MSR1: variants seen among roughly 807,000 people sequenced by gnomAD.
The protein encoded by MSR1 is macrophage scavenger receptor 1, also known as macrophage scavenger receptor types I and II.
A neutral mutation model predicts 47.2 loss-of-function variants in MSR1; 53 were observed. That is an observed-to-expected ratio of 1.12 (90% CI 0.90 to 1.41). MSR1 has a LOEUF of 1.41. Among genes scored for constraint, MSR1 ranks in the 40% most tolerant of loss-of-function variants. The probability of loss-of-function intolerance (pLI) is 0.00; values close to 1 mark genes in which losing one functional copy is unlikely to be tolerated. For missense variants in MSR1, 786 were observed against 546.9 expected, an observed-to-expected ratio of 1.44 and a Z score of -4.36; for synonymous variants, 239 against 185.6, an observed-to-expected ratio of 1.29 and a Z score of -2.34.
chr8:16,163,605 A>C lies in MSR1; in HGVS notation c.817+460T>G, dbSNP rs565953260. On this transcript the variant is annotated intron_variant, in intron 5 of 9. Coordinates refer to ENST00000262101, the MANE Select transcript of MSR1 (RefSeq NM_138715.3). ...ATATAAGTAAGATCCAATTCACCTT[A>C]TTTCACTAACAGGCACTGCAGAAGA... Among the ~76,000 whole-genome samples, 6 of 151,688 alleles carry C rather than the reference A, an allele frequency of 4.0e-5. No individual in the cohort carries two copies. The South Asian group carries it at 1.2e-3, about 31-fold the overall frequency.
At chr8:16,113,150 A>G (rs535656578) in intron 9 of MSR1, among the ~76,000 whole-genome samples, 256 of 151,746 alleles carry the variant, frequency 1.7e-3, no homozygotes, top group African/African-American at 5.9e-3. Context: ...GGGTTTCACC[A>G]TGTTGGCCAG....
At chr8:16,143,937 C>A (rs572471175) in intron 7 of MSR1, among the ~76,000 whole-genome samples, 1 of 152,052 alleles carries the variant, frequency 6.6e-6, no homozygotes, top group African/African-American at 2.4e-5. Context: ...CTTACTCACA[C>A]CCCCAGGAAG....
intron 9 of MSR1, among the ~76,000 whole-genome samples, chr8:16,116,522 C>T (rs1207292654): frequency 6.6e-6 from 1 of 152,098 alleles, no homozygotes; most frequent in East Asian, 1.9e-4. Flanking sequence ...ACTTGAGAGA[C>T]TTATCTCCAC....
intron 1 of MSR1, chr8:16,186,359 TA>T (rs1282616756): frequency 1.1e-5 from 7 of 641,184 alleles, no homozygotes; most frequent in African/African-American, 9.2e-5. Context: ...AAATATAATC[TA>T]GAAGGCTGAT....
chr8:16,177,265 T>C (rs910238850), intron 2 of MSR1, among the ~76,000 whole-genome samples: 7 of 152,058 alleles, frequency 4.6e-5, no homozygotes, highest in Admixed American at 1.3e-4. Flanking sequence ...TGAAGTGATA[T>C]TGGATTAGGG....
chr8:16,116,062 T>C (rs866917100), intron 9 of MSR1, among the ~76,000 whole-genome samples: 2 of 152,186 alleles, frequency 1.3e-5, no homozygotes, highest in South Asian at 2.1e-4. Flanking sequence ...GATGTCAATA[T>C]ACAATGTAAT....
chr8:16,189,073 A>G (rs964915059), intron 1 of MSR1, among the ~76,000 whole-genome samples: 5 of 145,962 alleles, frequency 3.4e-5, no homozygotes, highest in African/African-American at 1.2e-4. Context: ...TATTTTACAT[A>G]TATTTCATAT....
intron 8 of MSR1, among the ~76,000 whole-genome samples, chr8:16,132,569 C>T (rs921483725): frequency 1.8e-4 from 27 of 152,046 alleles, no homozygotes; most frequent in African/African-American, 6.3e-4. Flanking sequence ...CTCACTGCAA[C>T]CCCTGCCTCC....
intron 6 of MSR1, 143 bp downstream of exon 6, chr8:16,154,921 C>T (rs1441341527): frequency 1.4e-6 from 1 of 690,844 alleles, no homozygotes; most frequent in East Asian, 2.7e-5. Flanking sequence ...CACATATACA[C>T]ACATGTGCGT....
chr8:16,176,784 G>T (rs778727787), intron 2 of MSR1, among the ~76,000 whole-genome samples: 16 of 151,978 alleles, frequency 1.1e-4, no homozygotes, highest in Non-Finnish European at 2.1e-4. Context: ...GTCTGTAACA[G>T]CCCTCACTGT....
At position 16,171,078 on chromosome 8, in the gene MSR1, G is replaced by C. The variant is rs930706157; in HGVS notation, c.218-2208C>G. Among the ~76,000 whole-genome samples, 23 of 152,080 alleles carry C rather than the reference G, an allele frequency of 1.5e-4. No homozygotes were observed. In the East Asian group the frequency reaches 4.3e-3, roughly 28 times the overall value. ...GTCTCTACTAAGAATACAAAAATTA[G>C]CCAGGCGTGGTGGTGGGTGCCTGCA... is the stretch of plus-strand genomic sequence containing the variant. On this transcript the variant is annotated intron_variant, in intron 3 of 9. Transcript: ENST00000262101.
chr8:16,157,900 C>T (rs1386471355), intron 5 of MSR1, among the ~76,000 whole-genome samples: 1 of 151,834 alleles, frequency 6.6e-6, no homozygotes, highest in African/African-American at 2.4e-5. Context: ...ATCCGTTTTG[C>T]AATGTCTCTA....
At chr8:16,179,409 T>C (rs1015227746) in intron 1 of MSR1, among the ~76,000 whole-genome samples, 1 of 152,164 alleles carries the variant, frequency 6.6e-6, no homozygotes, top group African/African-American at 2.4e-5. Context: ...AACATAGGAT[T>C]CAGAAAAAAC....
rs34025026 is a variant in MSR1, at chr8:16,154,935, T to TACAC, written c.898+125_898+128dup. 332 of 714,444 alleles carry TACAC rather than the reference T, an allele frequency of 4.6e-4. 3 individuals are homozygous for TACAC. The African/African-American group carries it at 4.8e-3, about 10-fold the overall frequency. The allele number at this position is 714,444 out of a possible 1,614,324, so 44.3% of individuals were successfully genotyped here. On this transcript the variant is annotated intron_variant, in intron 6 of 9. Coordinates refer to ENST00000262101, the MANE Select transcript of MSR1 (RefSeq NM_138715.3). Reference sequence around the variant, plus strand: ...ACACATATACACACATGTGCGTGCATACACACACACACACACATACACATC... The same window carrying TACAC: ...ACACATATACACACATGTGCGTGCATACACACACACACACACACACATACACATC...
intron 8 of MSR1, chr8:16,140,964 G>C (rs928437936): frequency 8.1e-6 from 13 of 1,613,836 alleles, no homozygotes; most frequent in South Asian, 1.1e-5. Flanking sequence ...CTTTTAATGA[G>C]ATGGTAGCAG....
At chr8:16,127,539 C>T (rs1479222750) in intron 8 of MSR1, among the ~76,000 whole-genome samples, 2 of 152,132 alleles carry the variant, frequency 1.3e-5, no homozygotes, top group Non-Finnish European at 2.9e-5. Context: ...CTTATCTCTA[C>T]ACACAATAGC....
chr8:16,179,936 G>A (rs400398), intron 1 of MSR1, among the ~76,000 whole-genome samples: 32,638 of 149,102 alleles, frequency 0.22, 4,683 homozygotes, highest in East Asian at 0.53. Context: ...ATTTTGAGAC[G>A]GAGTCTCACT....
chr8:16,127,752 G>A (rs955586550), intron 8 of MSR1, among the ~76,000 whole-genome samples: 6 of 152,158 alleles, frequency 3.9e-5, no homozygotes, highest in African/African-American at 1.4e-4. Context: ...ATCCTGCTAT[G>A]CCTGAAGCCA....
chr8:16,133,374 T>G (rs1800310472), intron 8 of MSR1, among the ~76,000 whole-genome samples: 1 of 152,146 alleles, frequency 6.6e-6, no homozygotes, highest in African/African-American at 2.4e-5. Context: ...AGGAGCCAAA[T>G]GAAGATTGTA....
Sources: allele counts gnomAD v4.1 joint callset (sites outside exome capture counted in the v4.1 genomes callset), GRCh38; gene constraint gnomAD v4.1.1; transcripts MANE v1.5; gene names NCBI Gene and HGNC (gene_info 2026-07-23, HGNC 2026-07-21).